The following TPST1 variants were observed in gnomAD, a reference collection of about 807,000 sequenced individuals.
TPST1 encodes the protein protein-tyrosine sulfotransferase 1.
A neutral mutation model predicts 34.8 loss-of-function variants in TPST1; 20 were observed. The ratio of observed to expected loss-of-function variants is 0.57; its 90% CI spans 0.40 to 0.84. The LOEUF is 0.84. Among genes scored for constraint, TPST1 ranks in the 40% least tolerant of loss-of-function variants. The pLI is 0.00. For missense variants in TPST1, 353 were observed against 455.5 expected (o/e 0.78, Z 2.05); for synonymous variants, 152 against 159.4 (o/e 0.95, Z 0.35).
At chr7:66,268,824 G>T (rs1344098654) in intron 2 of TPST1, among the ~76,000 whole-genome samples, 3 of 152,046 alleles carry the variant, frequency 2.0e-5, no homozygotes, top group Non-Finnish European at 4.4e-5. Flanking sequence ...GAGTAGCTGG[G>T]ATTACAGGCA....
At chr7:66,307,524 A>G (rs565997853) in intron 3 of TPST1, among the ~76,000 whole-genome samples, 4 of 152,364 alleles carry the variant, frequency 2.6e-5, no homozygotes, top group South Asian at 2.1e-4. Context: ...GGTTTTTGAC[A>G]GAAATGTTGT....
In TPST1 at chr7:66,283,745, G is replaced by T. The variant is rs4718331; in HGVS notation, c.846-2766G>T. ...CCTTGCCTTAGCTGCTTAGTAACTT[G>T]CCCTAGTCATGTGTTACCCCATGAA... On this transcript the variant is annotated intron_variant, in intron 2 of 5. Coordinates refer to ENST00000304842, the MANE Select transcript of TPST1 (RefSeq NM_003596.4). Among the ~76,000 whole-genome samples, 327 of 152,260 alleles carry T rather than the reference G, an allele frequency of 2.1e-3. 4 individuals are homozygous for T. The highest frequency in any genetic ancestry group is 0.011 in the Admixed American group (169 of 15,288).
At chr7:66,331,331 T>C (rs1218954948) in intron 3 of TPST1, among the ~76,000 whole-genome samples, 3 of 152,164 alleles carry the variant, frequency 2.0e-5, no homozygotes, top group Non-Finnish European at 2.9e-5. Context: ...GTCCCACACT[T>C]GAAGAGGGTT....
Position 66,303,391 on chromosome 7 carries a change from G to GTGTATGTA in TPST1, c.1044+16700_1044+16707dup, listed in dbSNP as rs6150141. On this transcript the variant is annotated intron_variant, in intron 3 of 5. Transcript: ENST00000304842. ...TTTGTATTTAGAAAAACAGCTGTGT[G>GTGTATGTA]TGTATGTATGTATGTATGTATGTAT... Among the ~76,000 whole-genome samples the GTGTATGTA allele has an allele frequency of 4.3e-3, 645 of 150,160 alleles. 9 individuals are homozygous for GTGTATGTA. The highest frequency in any genetic ancestry group is 0.01 in the African/African-American group (412 of 40,646).
intron 1 of TPST1, among the ~76,000 whole-genome samples, chr7:66,212,855 T>C (rs1240947623): frequency 2.6e-5 from 4 of 152,238 alleles, no homozygotes; most frequent in African/African-American, 9.6e-5. Flanking sequence ...TTTCTTTTTA[T>C]AGGATTTGTG....
intron 2 of TPST1, among the ~76,000 whole-genome samples, chr7:66,279,677 A>G (rs374711632): frequency 6.2e-4 from 94 of 152,348 alleles, no homozygotes; most frequent in African/African-American, 2.2e-3. Flanking sequence ...TCCTATCCAT[A>G]TGAAACACAA....
intron 3 of TPST1, among the ~76,000 whole-genome samples, chr7:66,322,522 A>G (rs1189166650): frequency 1.3e-5 from 2 of 152,202 alleles, no homozygotes; most frequent in Non-Finnish European, 2.9e-5. Context: ...TTGAGTTAGC[A>G]TAATGTCCTC....
At chr7:66,215,217 G>C (rs1259533680) in intron 1 of TPST1, among the ~76,000 whole-genome samples, 2 of 149,266 alleles carry the variant, frequency 1.3e-5, no homozygotes, top group Non-Finnish European at 3.0e-5. Flanking sequence ...ACCAAGCCCG[G>C]CTAATTTTTG....
At chr7:66,359,748 A>T (rs1339195103) in intron 5 of TPST1, 147 bp from the exon 6 acceptor site, 1 of 391,308 alleles carries the variant, frequency 2.6e-6, no homozygotes, top group Non-Finnish European at 5.3e-6. Flanking sequence ...GCTGTTCTCA[A>T]CATCCATCCT....
chr7:66,228,817 T>A (rs796779220), intron 1 of TPST1, among the ~76,000 whole-genome samples: 15 of 152,300 alleles, frequency 9.8e-5, no homozygotes, highest in African/African-American at 3.6e-4. Context: ...AAATTGAGGA[T>A]CAGAAACTCC....
At chr7:66,351,525 A>C (rs1358578647) in intron 3 of TPST1, among the ~76,000 whole-genome samples, 2 of 152,170 alleles carry the variant, frequency 1.3e-5, no homozygotes, top group African/African-American at 4.8e-5. Flanking sequence ...AATGTAGATA[A>C]TTGTAGCTGT....
chr7:66,241,114 G>A lies in TPST1; in HGVS notation c.689G>A (p.Gly230Asp). ...ATGTATAACCAGTGTATGGAGGTTGGTTATAAAAAGTGCATGTTGGTTCAC... is the reference window on the plus strand; with the variant it reads ...ATGTATAACCAGTGTATGGAGGTTGATTATAAAAAGTGCATGTTGGTTCAC... ...ETMYNQCMEV[G>D]YKKCMLVHYE... The change falls in exon 2 of 6, where the codon GGT becomes GAT. Residue 230 changes from glycine to aspartate, a missense_variant. Coordinates refer to ENST00000304842, the MANE Select transcript of TPST1 (RefSeq NM_003596.4). The A allele has an allele frequency of 1.2e-6, 2 of 1,614,142 alleles. No individual in the cohort carries two copies. The highest frequency in any genetic ancestry group is 1.7e-5 in the Admixed American group (1 of 60,026).
the TPST1 span, among the ~76,000 whole-genome samples, chr7:66,199,717 CT>C: frequency 3.5e-5 from 5 of 143,432 alleles, no homozygotes; most frequent in African/African-American, 7.7e-5. Context: ...ATTTGTGTCC[CT>C]TTTTTTTTTT....
chr7:66,349,373 C>G (rs542427466), intron 3 of TPST1, among the ~76,000 whole-genome samples: 1 of 152,224 alleles, frequency 6.6e-6, no homozygotes, highest in South Asian at 2.1e-4. Flanking sequence ...GAGTTCAAGA[C>G]CAGCCTGACC....
intron 2 of TPST1, among the ~76,000 whole-genome samples, chr7:66,265,641 A>C (rs922694332): frequency 6.6e-6 from 1 of 152,234 alleles, no homozygotes; most frequent in African/African-American, 2.4e-5. Context: ...GCATTTATGC[A>C]TACAAGAAGC....
At chr7:66,209,706 C>T (rs1350624062) in intron 1 of TPST1, among the ~76,000 whole-genome samples, 1 of 152,138 alleles carries the variant, frequency 6.6e-6, no homozygotes. Context: ...CTGTCATTTA[C>T]TTGTTTACAT....
At chr7:66,328,701 C>T (rs1791921637) in intron 3 of TPST1, among the ~76,000 whole-genome samples, 3 of 150,868 alleles carry the variant, frequency 2.0e-5, no homozygotes, top group South Asian at 4.2e-4. Context: ...CATGCCACAA[C>T]GCCTGGCTAA....
chr7:66,351,668 CT>C (rs1792481203), intron 3 of TPST1, among the ~76,000 whole-genome samples: 1 of 148,372 alleles, frequency 6.7e-6, no homozygotes, highest in African/African-American at 2.5e-5. Flanking sequence ...ACTCCCTCCC[CT>C]CCAAAAAAAA....
chr7:66,254,595 G>C (rs1246326394), intron 2 of TPST1, among the ~76,000 whole-genome samples: 1 of 151,938 alleles, frequency 6.6e-6, no homozygotes, highest in Non-Finnish European at 1.5e-5. Flanking sequence ...GTAGAGACAG[G>C]GTTTTGCCAT....
Sources: gnomAD v4.1 joint callset for allele counts (sites outside exome capture counted in the v4.1 genomes callset) on GRCh38, gnomAD v4.1.1 for gene constraint, MANE v1.5 for transcripts, NCBI Gene and HGNC (gene_info 2026-07-23, HGNC 2026-07-21) for gene names.